APOL3: variants seen among roughly 807,000 people sequenced by gnomAD.
APOL3 encodes apolipoprotein L3, also known as TNF-inducible protein CG12-1.
A neutral mutation model predicts 11.6 loss-of-function variants in APOL3; 14 were observed. That is an observed-to-expected ratio of 1.21 (90% CI 0.80 to 1.89). The LOEUF is 1.89. Ranked by LOEUF, APOL3 falls within the 40% of genes most tolerant of loss-of-function variation. APOL3 has a pLI of 0.00. For synonymous variants in APOL3, 192 were observed against 190.6 expected, an observed-to-expected ratio of 1.01 and a Z score of -0.06; for missense variants, 483 against 492.1, an observed-to-expected ratio of 0.98 and a Z score of 0.17.
chr22:36,147,037 C>A (rs1475930506), intron 1 of APOL3, among the ~76,000 whole-genome samples: 3 of 152,170 alleles, frequency 2.0e-5, no homozygotes, highest in Non-Finnish European at 4.4e-5. Context: ...CACCACCCAA[C>A]CCAGCAAGCA....
intron 1 of APOL3, among the ~76,000 whole-genome samples, chr22:36,157,254 T>A (rs897963638): frequency 6.6e-6 from 1 of 152,186 alleles, no homozygotes; most frequent in Non-Finnish European, 1.5e-5. Context: ...CCCAGCTCCC[T>A]CCGGGTCCAT....
upstream of APOL3, chr22:36,165,091 G>A (rs1273976534): frequency 1.3e-5 from 2 of 151,968 alleles, no homozygotes; most frequent in South Asian, 2.1e-4. Flanking sequence ...CACTCTTATC[G>A]ATAGCATTCC....
upstream of APOL3, among the ~76,000 whole-genome samples, chr22:36,162,843 G>A (rs905603399): frequency 2.0e-5 from 3 of 152,190 alleles, no homozygotes; most frequent in Admixed American, 6.5e-5. Context: ...CGTTCAGCAT[G>A]GCTTTTAATA....
chr22:36,145,394 C>A, intron 2 of APOL3, 79 bp downstream of exon 3: 1 of 1,543,186 alleles, frequency 6.5e-7, no homozygotes. Flanking sequence ...GGAGGTGTGC[C>A]TGCCAGAGAA....
intron 1 of APOL3, among the ~76,000 whole-genome samples, chr22:36,152,243 T>C (rs1307130485): frequency 6.6e-6 from 1 of 151,844 alleles, no homozygotes; most frequent in Non-Finnish European, 1.5e-5. Context: ...AGGCAAACAG[T>C]ACAAGAGGGG....
At position 36,141,226 on chromosome 22, in the gene APOL3, G is replaced by A. The variant is rs371651960; in HGVS notation, c.1183C>T (p.Arg395Cys). ...CAGTGGGTATGGCATGGATTCAGAC[G>A]CTGATAGATCTGAGTGAGCTCCATT... Residue 395 changes from arginine to cysteine, a missense_variant, in exon 3 of 3, where the codon CGT becomes TGT. Coordinates refer to ENST00000349314, the Ensembl canonical transcript of APOL3. 34 of 1,613,826 alleles carry A rather than the reference G, an allele frequency of 2.1e-5. No homozygotes were observed. In the African/African-American group the frequency reaches 2.3e-4, roughly 11 times the overall value.
At chr22:36,149,265 C>A in intron 1 of APOL3, 123 bp from the exon 2 acceptor site, 1 of 1,305,546 alleles carries the variant, frequency 7.7e-7, no homozygotes, top group South Asian at 1.2e-5. Flanking sequence ...CAACCTAGCC[C>A]GGTGTTTTTT....
exon 3 of APOL3, chr22:36,141,197 G>C (rs751800308): frequency 8.7e-6 from 14 of 1,611,446 alleles, no homozygotes; most frequent in Non-Finnish European, 1.2e-5. Flanking sequence ...CACTGGTCTG[G>C]GGTCAGTGGG....
chr22:36,162,543 A>C (rs1002316827), upstream of APOL3, among the ~76,000 whole-genome samples: 23 of 152,214 alleles, frequency 1.5e-4, no homozygotes, highest in African/African-American at 5.5e-4. Context: ...ACACAGCCCC[A>C]ACCTCAACTT....
chr22:36,159,944 C>T (rs1356844980), intron 1 of APOL3, among the ~76,000 whole-genome samples: 3 of 151,776 alleles, frequency 2.0e-5, no homozygotes, highest in Non-Finnish European at 4.4e-5. Context: ...GTGACTGGTG[C>T]GATCTCGACT....
upstream of APOL3, among the ~76,000 whole-genome samples, chr22:36,164,345 G>A (rs528057989): frequency 1.2e-4 from 19 of 152,176 alleles, no homozygotes; most frequent in African/African-American, 4.1e-4. Flanking sequence ...TCCTAGGGTC[G>A]AGCCCACAGT....
intron 2 of APOL3, among the ~76,000 whole-genome samples, chr22:36,143,013 C>T (rs796302986): frequency 5.1e-4 from 77 of 152,312 alleles, no homozygotes; most frequent in African/African-American, 1.7e-3. Context: ...TTAGCAGAAA[C>T]CCCCCATTCT....
Position 36,154,053 on chromosome 22 carries a change from G to T in APOL3, c.223+6616C>A, listed in dbSNP as rs1346182775. On this transcript the variant is annotated intron_variant, in intron 1 of 2. Coordinates refer to ENST00000349314, the Ensembl canonical transcript of APOL3. Reference sequence around the variant, plus strand: ...GTTGTGGAGACCAAAGTTTTATCCTGCAGATGAAGCTTTCAGCTAGCAGGC... The same window carrying T: ...GTTGTGGAGACCAAAGTTTTATCCTTCAGATGAAGCTTTCAGCTAGCAGGC... 2.6e-5 allele frequency among the ~76,000 whole-genome samples: 4 copies of T among 152,194 alleles called. No individual in the cohort carries two copies. The East Asian group carries it at 7.7e-4, about 29-fold the overall frequency.
At chr22:36,154,703 A>G (rs1281086187) in intron 1 of APOL3, 1 of 466,036 alleles carries the variant, frequency 2.1e-6, no homozygotes, top group Non-Finnish European at 4.4e-6. Context: ...AATGAGACAG[A>G]GCAATTAGAC....
intron 1 of APOL3, 84 bp downstream of exon 2, chr22:36,148,962 G>A (rs1316841420): frequency 7.8e-7 from 1 of 1,286,150 alleles, no homozygotes; most frequent in African/African-American, 1.5e-5. Context: ...GGGTTCCTCT[G>A]GGGCTCACTG....
At chr22:36,146,221 C>G (rs1448910562) in intron 1 of APOL3, 1 of 152,018 alleles carries the variant, frequency 6.6e-6, no homozygotes, top group Non-Finnish European at 1.5e-5. Flanking sequence ...ACTAAGGCAT[C>G]CTGAGAAGAG....
At chr22:36,148,503 A>G (rs1452152531) in intron 1 of APOL3, among the ~76,000 whole-genome samples, 2 of 152,216 alleles carry the variant, frequency 1.3e-5, no homozygotes, top group Non-Finnish European at 2.9e-5. Context: ...GGTGACACAG[A>G]GAAGACGTGG....
In APOL3 at chr22:36,141,765, G is replaced by A. The variant is rs776498506; in HGVS notation, c.644C>T (p.Thr215Met). Residue 215 changes from threonine (T) to methionine (M), a missense_variant, in exon 3 of 3, where the codon ACG (threonine) becomes ATG (methionine). Coordinates refer to ENST00000349314, the Ensembl canonical transcript of APOL3. ...CCCAGCTGCAGTAAGGGCCAGACTC[G>A]TCCCTGCTGTAAATGGTGCCAAAAC... 46 of 1,614,012 alleles carry A rather than the reference G, an allele frequency of 2.9e-5. No homozygotes were observed. The highest frequency in any genetic ancestry group is 1.6e-4 in the Middle Eastern group (1 of 6,084).
intron 2 of APOL3, among the ~76,000 whole-genome samples, chr22:36,143,950 T>A (rs1042469022): frequency 6.6e-5 from 10 of 152,082 alleles, no homozygotes; most frequent in African/African-American, 2.4e-4. Context: ...GACTTGTGAG[T>A]CTCCTGAGAA....
Sources: gnomAD v4.1 joint callset for allele counts (sites outside exome capture counted in the v4.1 genomes callset) on GRCh38, gnomAD v4.1.1 for gene constraint, MANE v1.5 for transcripts, NCBI Gene and HGNC (gene_info 2026-07-23, HGNC 2026-07-21) for gene names.